The following SUPT3H variants were observed in gnomAD, a reference collection of about 807,000 sequenced individuals.
The protein encoded by SUPT3H is SPT3 homolog, SAGA and STAGA complex component.
A neutral mutation model predicts 44.3 loss-of-function variants in SUPT3H; 44 were observed. The ratio of observed to expected loss-of-function variants is 0.99; its 90% CI spans 0.78 to 1.28. SUPT3H has a LOEUF of 1.28. Among genes scored for constraint, SUPT3H ranks in the 50% most tolerant of loss-of-function variants. The pLI is 0.00. For missense variants in SUPT3H, 380 were observed against 387.1 expected (o/e 0.98, Z 0.15); for synonymous variants, 124 against 125.6 (o/e 0.99, Z 0.09).
chr6:45,158,527 C>T (rs967294956), intron 2 of SUPT3H, among the ~76,000 whole-genome samples: 120 of 151,600 alleles, frequency 7.9e-4, no homozygotes, highest in African/African-American at 2.7e-3. Context: ...CTCCACCAAC[C>T]TCAAAACATC....
At chr6:44,960,102 A>G (rs1319678769) in intron 7 of SUPT3H, among the ~76,000 whole-genome samples, 1 of 152,202 alleles carries the variant, frequency 6.6e-6, no homozygotes, top group Non-Finnish European at 1.5e-5. Flanking sequence ...TAGTTATTTT[A>G]TACAGAAAGG....
intron 4 of SUPT3H, among the ~76,000 whole-genome samples, 198 bp downstream of exon 4, chr6:45,020,348 T>C (rs1043467235): frequency 1.3e-5 from 2 of 152,004 alleles, no homozygotes; most frequent in Non-Finnish European, 2.9e-5. Context: ...ACAGTTTTTA[T>C]ATAAGTGCTT....
At chr6:45,247,983 A>T (rs529242143) in intron 2 of SUPT3H, among the ~76,000 whole-genome samples, 2 of 152,334 alleles carry the variant, frequency 1.3e-5, no homozygotes, top group Admixed American at 1.3e-4. Context: ...TGACAGACTT[A>T]CTTGTCAACA....
At chr6:45,112,849 C>T (rs1172915757) in intron 2 of SUPT3H, among the ~76,000 whole-genome samples, 1 of 152,044 alleles carries the variant, frequency 6.6e-6, no homozygotes, top group Non-Finnish European at 1.5e-5. Flanking sequence ...ATGTGTACAT[C>T]TTCTTGGATG....
intron 2 of SUPT3H, among the ~76,000 whole-genome samples, chr6:45,333,707 G>C (rs957170928): frequency 6.6e-6 from 1 of 151,210 alleles, no homozygotes; most frequent in African/African-American, 2.4e-5. Flanking sequence ...ATGAGCTGTA[G>C]AATTAAAACA....
At chr6:44,954,369 A>G in intron 8 of SUPT3H, 126 bp downstream of exon 8, 2 of 746,554 alleles carry the variant, frequency 2.7e-6, no homozygotes, top group Admixed American at 2.2e-5. Context: ...AATGATGTAA[A>G]TGCCACAGGA....
intron 2 of SUPT3H, among the ~76,000 whole-genome samples, chr6:45,307,408 T>C (rs1317316929): frequency 6.6e-6 from 1 of 152,136 alleles, no homozygotes; most frequent in Non-Finnish European, 1.5e-5. Context: ...TGGGTACCCC[T>C]CTGAGACGAA....
chr6:45,334,355 A>T (rs1033558275), intron 2 of SUPT3H, among the ~76,000 whole-genome samples: 19 of 148,338 alleles, frequency 1.3e-4, no homozygotes, highest in Non-Finnish European at 1.8e-4. Context: ...ACACATTTGT[A>T]GGTTCCCCTA....
rs535045498 is a variant in SUPT3H, at chr6:44,959,039, CTTGTTTGTTTGT to C, written c.580+2702_580+2713del. ...TACAGGCATGCACCACCACGCCTGG[CTTGTTTGTTTGT>C]TTGTTTGTTTGTATTTTTAGTAGAG... is the stretch of plus-strand genomic sequence containing the variant. On this transcript the variant is annotated intron_variant, in intron 7 of 10. Coordinates refer to ENST00000371459, the MANE Select transcript of SUPT3H (RefSeq NM_003599.4). Among the ~76,000 whole-genome samples the C allele has an allele frequency of 1.3e-5, 2 of 151,838 alleles. 1 individual carries two copies. The highest frequency in any genetic ancestry group is 4.2e-4 in the South Asian group (2 of 4,808).
chr6:45,061,589 G>A (rs956413512), intron 3 of SUPT3H, among the ~76,000 whole-genome samples: 27 of 151,938 alleles, frequency 1.8e-4, no homozygotes, highest in African/African-American at 6.3e-4. Context: ...CATGTACACC[G>A]GAACTTAAAA....
intron 2 of SUPT3H, among the ~76,000 whole-genome samples, chr6:45,333,906 T>C (rs570341231): frequency 2.0e-5 from 3 of 151,288 alleles, no homozygotes; most frequent in Non-Finnish European, 4.4e-5. Flanking sequence ...GATTAGATGA[T>C]TTTCATCTTT....
At chr6:45,298,215 T>C (rs1388101820) in intron 2 of SUPT3H, among the ~76,000 whole-genome samples, 1 of 152,150 alleles carries the variant, frequency 6.6e-6, no homozygotes, top group Non-Finnish European at 1.5e-5. Context: ...AAAGAACGAA[T>C]AGGAACACGA....
intron 10 of SUPT3H, among the ~76,000 whole-genome samples, chr6:44,870,485 G>C (rs528216152): frequency 1.8e-4 from 28 of 151,700 alleles, no homozygotes; most frequent in Middle Eastern, 3.4e-3. Context: ...TGTAGTCCCA[G>C]CTACTTGGGA....
At chr6:45,323,832 T>C (rs1205948445) in intron 2 of SUPT3H, among the ~76,000 whole-genome samples, 1 of 152,054 alleles carries the variant, frequency 6.6e-6, no homozygotes, top group Non-Finnish European at 1.5e-5. Flanking sequence ...GTTACAGCAG[T>C]GTTCCAACGT....
chr6:45,128,533 A>AATAT (rs1554257895), intron 2 of SUPT3H, among the ~76,000 whole-genome samples: 735 of 51,742 alleles, frequency 0.014, 11 homozygotes, highest in Admixed American at 0.018. Context: ...AAAAAAAAAA[A>AATAT]ATATATATAT....
intron 2 of SUPT3H, among the ~76,000 whole-genome samples, chr6:45,142,914 G>T (rs1289894121): frequency 6.6e-6 from 1 of 151,592 alleles, no homozygotes; most frequent in Non-Finnish European, 1.5e-5. Context: ...AGCTATTCTT[G>T]TATCAGACAA....
chr6:44,905,814 C>T (rs962131441), intron 10 of SUPT3H, among the ~76,000 whole-genome samples: 2 of 152,166 alleles, frequency 1.3e-5, no homozygotes, highest in South Asian at 2.1e-4. Flanking sequence ...GAAAATGTGG[C>T]ACATATACAC....
intron 3 of SUPT3H, among the ~76,000 whole-genome samples, chr6:45,060,756 A>C (rs1031816791): frequency 6.6e-6 from 1 of 152,188 alleles, no homozygotes; most frequent in Non-Finnish European, 1.5e-5. Context: ...TACAAGAAAA[A>C]AATACACAAC....
chr6:45,183,545 C>T (rs1813648949), intron 2 of SUPT3H, among the ~76,000 whole-genome samples: 1 of 152,144 alleles, frequency 6.6e-6, no homozygotes, highest in Non-Finnish European at 1.5e-5. Context: ...TTTAAACAAC[C>T]AGCTCTTGCG....
Sources: gnomAD v4.1 joint callset for allele counts (sites outside exome capture counted in the v4.1 genomes callset) on GRCh38, gnomAD v4.1.1 for gene constraint, MANE v1.5 for transcripts, NCBI Gene and HGNC (gene_info 2026-07-23, HGNC 2026-07-21) for gene names.